The following CRISPLD2 variants were observed in gnomAD, a reference collection of about 807,000 sequenced individuals.
CRISPLD2 encodes cysteine rich secretory protein LCCL domain containing 2.
CRISPLD2 carries 47 observed loss-of-function variants against 71.1 expected under a neutral mutation model. The observed-to-expected ratio is 0.66, with a 90% CI of 0.52 to 0.84. The LOEUF (loss-of-function observed/expected upper bound fraction) is 0.84. Among genes scored for constraint, CRISPLD2 ranks in the 40% least tolerant of loss-of-function variants. The pLI, the probability that CRISPLD2 is intolerant of heterozygous loss-of-function variation, is 0.00. For missense variants in CRISPLD2, 830 were observed against 651.1 expected, an observed-to-expected ratio of 1.27 and a Z score of -2.99; for synonymous variants, 317 against 250.1, an observed-to-expected ratio of 1.27 and a Z score of -2.52.
chr16:84,856,990 T>C (rs1278129510), intron 6 of CRISPLD2, among the ~76,000 whole-genome samples: 1 of 152,224 alleles, frequency 6.6e-6, no homozygotes, highest in Admixed American at 6.5e-5. Flanking sequence ...TAAGCATGTG[T>C]TCCAGTGAGG....
chr16:84,884,091 TG>T (rs1316487105), intron 13 of CRISPLD2, among the ~76,000 whole-genome samples: 1 of 152,168 alleles, frequency 6.6e-6, no homozygotes, highest in Non-Finnish European at 1.5e-5. Context: ...GTGATCTGCC[TG>T]CCTCTGCCTC....
intron 6 of CRISPLD2, among the ~76,000 whole-genome samples, chr16:84,858,544 C>A (rs1377812391): frequency 6.6e-6 from 1 of 152,230 alleles, no homozygotes; most frequent in Non-Finnish European, 1.5e-5. Context: ...TCCTCTGGCA[C>A]ACAAATGTCT....
intron 14 of CRISPLD2, among the ~76,000 whole-genome samples, chr16:84,891,042 C>T (rs540679815): frequency 1.3e-5 from 2 of 152,248 alleles, no homozygotes; most frequent in South Asian, 2.1e-4. Context: ...GCTGGGATCA[C>T]AGGTGTGAGC....
At chr16:84,866,693 A>G (rs530457969) in intron 6 of CRISPLD2, among the ~76,000 whole-genome samples, 1 of 152,294 alleles carries the variant, frequency 6.6e-6, no homozygotes, top group Admixed American at 6.5e-5. Context: ...CAGTGAGCGG[A>G]GAGCGTCCCC....
At chr16:84,828,182 C>T (rs1916402498) in intron 1 of CRISPLD2, 1 of 152,250 alleles carries the variant, frequency 6.6e-6, no homozygotes, top group Admixed American at 6.5e-5. Context: ...GCTTCTCAGG[C>T]AGGGAGACTG....
At chr16:84,884,316 G>A (rs2071593567) in intron 13 of CRISPLD2, among the ~76,000 whole-genome samples, 1 of 144,336 alleles carries the variant, frequency 6.9e-6, no homozygotes, top group Admixed American at 7.2e-5. Flanking sequence ...TGTTCAAAGC[G>A]ATTGATAATG....
rs937641253 is a variant in CRISPLD2, at chr16:84,837,765, C to T, written c.-74-657C>T. Among the ~76,000 whole-genome samples, 9 of 152,296 alleles carry T rather than the reference C, an allele frequency of 5.9e-5. No individual in the cohort carries two copies. In the South Asian group the frequency reaches 6.2e-4, roughly 11 times the overall value. ...AATGGGGATGAGAACAGCCTGACCT[C>T]CTGGGTTGCCATGGTGATTGAGAAT... On this transcript the variant is annotated intron_variant, in intron 1 of 14. Transcript: ENST00000262424.
chr16:84,896,703 G>A (rs543676503), intron 14 of CRISPLD2, among the ~76,000 whole-genome samples: 1 of 152,012 alleles, frequency 6.6e-6, no homozygotes, highest in African/African-American at 2.4e-5. Flanking sequence ...CTTCCGATGG[G>A]TTTATCAGGA....
At chr16:84,879,610 C>G (rs2071550821) in intron 12 of CRISPLD2, among the ~76,000 whole-genome samples, 1 of 152,114 alleles carries the variant, frequency 6.6e-6, no homozygotes, top group South Asian at 2.1e-4. Context: ...GATCCACCCA[C>G]CTCGGCCTCC....
chr16:84,842,733 G>A (rs1196414589), intron 2 of CRISPLD2, among the ~76,000 whole-genome samples: 1 of 152,150 alleles, frequency 6.6e-6, no homozygotes, highest in East Asian at 1.9e-4. Context: ...GGAACATGCT[G>A]TTGGGAGAGT....
chr16:84,873,813 A>C (rs7194741), intron 10 of CRISPLD2, 107 bp from the exon 11 acceptor site: 2 of 1,019,002 alleles, frequency 2.0e-6, no homozygotes, highest in African/African-American at 3.3e-5. Context: ...AAAAGTGTGA[A>C]GTCGAGACTG....
At chr16:84,885,709 C>G (rs1160992151) in intron 13 of CRISPLD2, among the ~76,000 whole-genome samples, 1 of 152,010 alleles carries the variant, frequency 6.6e-6, no homozygotes, top group South Asian at 2.1e-4. Flanking sequence ...ATCCACTTTT[C>G]AGGTCTTTGA....
intron 11 of CRISPLD2, 31 bp downstream of exon 11, chr16:84,873,994 A>G: frequency 6.4e-7 from 1 of 1,571,866 alleles, no homozygotes; most frequent in Non-Finnish European, 8.6e-7. Context: ...TGCGACCATA[A>G]TACCTGGGTT....
chr16:84,872,187 G>A (rs2071476769), intron 8 of CRISPLD2, among the ~76,000 whole-genome samples: 1 of 152,172 alleles, frequency 6.6e-6, no homozygotes, highest in Non-Finnish European at 1.5e-5. Flanking sequence ...AGGGACTCGA[G>A]CATCTGCAGA....
chr16:84,887,517 G>A (rs1378740182), intron 13 of CRISPLD2, among the ~76,000 whole-genome samples: 4 of 152,216 alleles, frequency 2.6e-5, no homozygotes, highest in Non-Finnish European at 5.9e-5. Flanking sequence ...GCGAGTCCGT[G>A]AGCCTGGGTG....
intron 14 of CRISPLD2, among the ~76,000 whole-genome samples, chr16:84,905,315 T>C (rs2934468): frequency 0.49 from 73,858 of 152,036 alleles, 18,789 homozygotes; most frequent in African/African-American, 0.64. Flanking sequence ...ACTGCACAAC[T>C]CTATAAAATC....
At chr16:84,843,617 G>A (rs1002738314) in intron 2 of CRISPLD2, among the ~76,000 whole-genome samples, 2 of 152,230 alleles carry the variant, frequency 1.3e-5, no homozygotes, top group African/African-American at 4.8e-5. Context: ...GTTGTTTGGA[G>A]GAGGCAATGA....
chr16:84,822,345 T>C (rs933805927), intron 1 of CRISPLD2, among the ~76,000 whole-genome samples: 3 of 152,214 alleles, frequency 2.0e-5, no homozygotes, highest in African/African-American at 7.2e-5. Context: ...ATTAAGTATG[T>C]GGCCCTTTGT....
At chr16:84,874,924 G>C (rs757553064) in intron 11 of CRISPLD2, among the ~76,000 whole-genome samples, 12 of 152,086 alleles carry the variant, frequency 7.9e-5, no homozygotes, top group Admixed American at 1.3e-4. Context: ...CATACAATTT[G>C]GTAACCTAAT....
Sources: allele counts gnomAD v4.1 joint callset (sites outside exome capture counted in the v4.1 genomes callset), GRCh38; gene constraint gnomAD v4.1.1; transcripts MANE v1.5; gene names NCBI Gene and HGNC (gene_info 2026-07-23, HGNC 2026-07-21).